ZFYVE9: variants seen among roughly 807,000 people sequenced by gnomAD.
ZFYVE9 encodes the protein zinc finger FYVE domain-containing protein 9.
In ZFYVE9, 43 loss-of-function variants were observed where a neutral mutation model predicts 126.7. The ratio of observed to expected loss-of-function variants is 0.34; its 90% confidence interval spans 0.27 to 0.44. The LOEUF is 0.44. Ranked by LOEUF, ZFYVE9 falls within the 20% of genes least tolerant of loss-of-function variation. ZFYVE9 has a pLI of 1.00. For missense variants in ZFYVE9, 1,476 were observed against 1,697.0 expected (o/e 0.87, Z 2.29); for synonymous variants, 521 against 597.4 (o/e 0.87, Z 1.87).
intron 1 of ZFYVE9, among the ~76,000 whole-genome samples, chr1:52,192,033 T>C: frequency 6.7e-6 from 1 of 149,954 alleles, no homozygotes; most frequent in East Asian, 2.0e-4. Context: ...GGCAGGGGCT[T>C]TTTTTTTTTT....
chr1:52,324,868 C>T (rs901954825), intron 13 of ZFYVE9, among the ~76,000 whole-genome samples: 2 of 152,198 alleles, frequency 1.3e-5, no homozygotes, highest in Non-Finnish European at 2.9e-5. Flanking sequence ...GGTACAGTGG[C>T]TCACGCCTGT....
intron 2 of ZFYVE9, among the ~76,000 whole-genome samples, chr1:52,229,128 A>G (rs1299454202): frequency 1.3e-5 from 2 of 152,096 alleles, no homozygotes; most frequent in Non-Finnish European, 2.9e-5. Flanking sequence ...TCAGCCTACC[A>G]AAGTACTGGG....
At chr1:52,302,944 T>C (rs1646049300) in intron 12 of ZFYVE9, among the ~76,000 whole-genome samples, 1 of 151,934 alleles carries the variant, frequency 6.6e-6, no homozygotes, top group Admixed American at 6.6e-5. Context: ...ACCTTGTCTC[T>C]ACTAAAAATA....
chr1:52,231,499 CAG>C (rs1160865725), intron 2 of ZFYVE9, among the ~76,000 whole-genome samples: 1 of 151,994 alleles, frequency 6.6e-6, no homozygotes, highest in Non-Finnish European at 1.5e-5. Flanking sequence ...GCCTGGGTGA[CAG>C]AGTGAGACTC....
chr1:52,251,789 A>G (rs2124648019), intron 4 of ZFYVE9, among the ~76,000 whole-genome samples: 1 of 152,272 alleles, frequency 6.6e-6, no homozygotes, highest in South Asian at 2.1e-4. Flanking sequence ...AATGTTTGGT[A>G]GAATTTGCCA....
At chr1:52,343,638 C>G (rs1238350550) in intron 17 of ZFYVE9, among the ~76,000 whole-genome samples, 2 of 150,838 alleles carry the variant, frequency 1.3e-5, no homozygotes, top group African/African-American at 4.9e-5. Context: ...CACTTGTAGT[C>G]CCAGTTACTT....
chr1:52,167,498 G>C (rs1373091882), intron 1 of ZFYVE9, among the ~76,000 whole-genome samples: 1 of 151,992 alleles, frequency 6.6e-6, no homozygotes, highest in Non-Finnish European at 1.5e-5. Context: ...CCTCGCCTTG[G>C]TAATGTTCTA....
intron 4 of ZFYVE9, chr1:52,252,803 T>G (rs549617797): frequency 2.3e-4 from 87 of 378,348 alleles, no homozygotes; most frequent in African/African-American, 1.5e-3. Context: ...ACCAGGAGCA[T>G]GGCTCATCCC....
At chr1:52,257,937 G>C (rs1466455101) in intron 4 of ZFYVE9, among the ~76,000 whole-genome samples, 1 of 152,126 alleles carries the variant, frequency 6.6e-6, no homozygotes, top group Non-Finnish European at 1.5e-5. Context: ...TATTTCACCA[G>C]GCTGGTCTCA....
chr1:52,313,226 TG>T (rs1337913727), intron 13 of ZFYVE9, among the ~76,000 whole-genome samples: 1 of 152,228 alleles, frequency 6.6e-6, no homozygotes, highest in Non-Finnish European at 1.5e-5. Context: ...TTGATATAGC[TG>T]TGCAAGCATG....
chr1:52,168,220 T>TG (rs1356328718), intron 1 of ZFYVE9, among the ~76,000 whole-genome samples: 2 of 133,856 alleles, frequency 1.5e-5, no homozygotes, highest in Non-Finnish European at 3.2e-5. Context: ...TCTTCTTTTT[T>TG]TTTTTTTTTT....
intron 9 of ZFYVE9, among the ~76,000 whole-genome samples, chr1:52,280,511 G>A (rs1333045879): frequency 6.6e-6 from 1 of 152,016 alleles, no homozygotes; most frequent in Non-Finnish European, 1.5e-5. Context: ...ATTAACATTT[G>A]TTTTGATTTA....
At chr1:52,308,363 G>A (rs762193651) in intron 13 of ZFYVE9, among the ~76,000 whole-genome samples, 20 of 151,678 alleles carry the variant, frequency 1.3e-4, no homozygotes, top group Admixed American at 8.5e-4. Flanking sequence ...GTATTTTTTT[G>A]TTTTGTAGAG....
At chr1:52,260,461 C>CT (rs1022685520) in intron 4 of ZFYVE9, among the ~76,000 whole-genome samples, 76 of 151,852 alleles carry the variant, frequency 5.0e-4, no homozygotes, top group Middle Eastern at 3.4e-3. Context: ...TATTCTCTTC[C>CT]TTTTTTTTCT....
intron 2 of ZFYVE9, among the ~76,000 whole-genome samples, chr1:52,228,685 G>A (rs982210493): frequency 6.6e-6 from 1 of 152,124 alleles, no homozygotes; most frequent in African/African-American, 2.4e-5. Context: ...AAATCAGAAT[G>A]CCATTATCAC....
At chr1:52,204,459 C>T (rs1438086293) in intron 1 of ZFYVE9, among the ~76,000 whole-genome samples, 1 of 151,982 alleles carries the variant, frequency 6.6e-6, no homozygotes, top group Non-Finnish European at 1.5e-5. Context: ...GCTGGGGTGG[C>T]ACATGCCTGC....
At chr1:52,157,394 CT>C (rs71579908) in intron 1 of ZFYVE9, among the ~76,000 whole-genome samples, 2,939 of 57,924 alleles carry the variant, frequency 0.051, 7 homozygotes, top group African/African-American at 0.09. Flanking sequence ...ACCATATTCT[CT>C]TTTTTTTTTT....
intron 1 of ZFYVE9, among the ~76,000 whole-genome samples, chr1:52,195,622 G>GT (rs1246444307): frequency 1.3e-5 from 2 of 152,088 alleles, no homozygotes; most frequent in African/African-American, 4.8e-5. Flanking sequence ...CTGGTACATA[G>GT]TAAGTGGTCA....
chr1:52,204,293 TC>T lies in ZFYVE9; in HGVS notation c.-142-12072del, dbSNP rs1276464725. 2.6e-5 allele frequency among the ~76,000 whole-genome samples: 4 copies of T among 152,274 alleles called. No individual in the cohort carries two copies. In the South Asian group the frequency reaches 8.3e-4, roughly 32 times the overall value. On this transcript the variant is annotated intron_variant, in intron 1 of 18. Coordinates refer to ENST00000287727, the MANE Select transcript of ZFYVE9 (RefSeq NM_004799.4). ...ACTTCACAAGTGCTTCTCAGTTTTC[TC>T]CCCTGTTTAGAGGGGACAGGATAGC...
Sources: allele counts gnomAD v4.1 joint callset (sites outside exome capture counted in the v4.1 genomes callset), GRCh38; gene constraint gnomAD v4.1.1; transcripts MANE v1.5; gene names NCBI Gene and HGNC (gene_info 2026-07-23, HGNC 2026-07-21).